TASOR: variants seen among roughly 807,000 people sequenced by gnomAD.
TASOR encodes the protein transcription activation suppressor.
TASOR carries 53 observed loss-of-function variants against 178.6 expected under a neutral mutation model. The ratio of observed to expected loss-of-function variants is 0.30; its 90% CI spans 0.24 to 0.37. The LOEUF (loss-of-function observed/expected upper bound fraction) is 0.37. Among genes scored for constraint, TASOR ranks in the 10% least tolerant of loss-of-function variants. TASOR has a pLI of 1.00. For synonymous variants in TASOR, 713 were observed against 696.2 expected, an observed-to-expected ratio of 1.02 and a Z score of -0.38; for missense variants, 1,815 against 1,971.4, an observed-to-expected ratio of 0.92 and a Z score of 1.50.
intron 7 of TASOR, 73 bp from the exon 8 acceptor site, chr3:56,663,645 A>G (rs563993763): frequency 6.6e-5 from 80 of 1,218,422 alleles, no homozygotes; most frequent in East Asian, 2.0e-4. Context: ...GTAAGATGAT[A>G]TAAGTGCAAT....
Position 56,673,739 on chromosome 3 carries a change from AC to A in TASOR, c.332-15del. On this transcript the variant is annotated splice_polypyrimidine_tract_variant and intron_variant, in intron 1 of 23. Coordinates refer to ENST00000683822, the MANE Select transcript of TASOR (RefSeq NM_001365635.2). ...GCTGGAAAAGTGCTAAAATAAAAAAACAAACATTTAAAATGTTTAACATTAC... is the reference window on the plus strand; with the variant it reads ...GCTGGAAAAGTGCTAAAATAAAAAAAAAACATTTAAAATGTTTAACATTAC... 1 of 1,537,086 alleles carries A rather than the reference AC, an allele frequency of 6.5e-7. No individual in the cohort carries two copies. Among genetic ancestry groups the A allele is most frequent in the Non-Finnish European group, 8.8e-7 (1 of 1,142,126 alleles).
At chr3:56,626,704 T>C (rs865861850) in intron 21 of TASOR, among the ~76,000 whole-genome samples, 2 of 151,940 alleles carry the variant, frequency 1.3e-5, no homozygotes, top group African/African-American at 4.8e-5. Flanking sequence ...GATCGTCCCA[T>C]TGCACTCCAG....
chr3:56,678,309 G>C (rs2031496072), intron 1 of TASOR, among the ~76,000 whole-genome samples: 1 of 149,666 alleles, frequency 6.7e-6, no homozygotes, highest in Non-Finnish European at 1.5e-5. Flanking sequence ...AGCCTCCCGA[G>C]CAGCTGGGAT....
chr3:56,634,008 G>A (rs2076968413), intron 17 of TASOR, 42 bp from the exon 18 acceptor site: 2 of 1,432,430 alleles, frequency 1.4e-6, no homozygotes, highest in South Asian at 1.5e-5. Context: ...AATCCAAAAA[G>A]ATAAGATATG....
At chr3:56,644,947 TACC>T (rs1207550097) in intron 14 of TASOR, among the ~76,000 whole-genome samples, 1 of 152,208 alleles carries the variant, frequency 6.6e-6, no homozygotes, top group Non-Finnish European at 1.5e-5. Context: ...GGCTAGTGGC[TACC>T]ACATTGAATA....
intron 14 of TASOR, among the ~76,000 whole-genome samples, chr3:56,645,047 A>G (rs544293663): frequency 6.6e-6 from 1 of 152,220 alleles, no homozygotes; most frequent in South Asian, 2.1e-4. Flanking sequence ...GCCGAGGCAG[A>G]CAGATCACTT....
chr3:56,677,252 T>C (rs2031383902), intron 1 of TASOR, among the ~76,000 whole-genome samples: 1 of 152,232 alleles, frequency 6.6e-6, no homozygotes, highest in African/African-American at 2.4e-5. Context: ...TTTGAGGTAG[T>C]AATAATAAAC....
At chr3:56,663,271 G>A (rs1301042893) in intron 8 of TASOR, among the ~76,000 whole-genome samples, 1 of 152,108 alleles carries the variant, frequency 6.6e-6, no homozygotes, top group Non-Finnish European at 1.5e-5. Flanking sequence ...CACCTCTGGT[G>A]AATTTAATAC....
At chr3:56,647,786 A>T (rs957463026) in intron 13 of TASOR, among the ~76,000 whole-genome samples, 4 of 152,234 alleles carry the variant, frequency 2.6e-5, no homozygotes, top group East Asian at 1.9e-4. Flanking sequence ...ATCTTGTCTT[A>T]TATCAGTGCC....
chr3:56,632,956 AT>A, intron 18 of TASOR, 87 bp downstream of exon 18: 4 of 1,093,886 alleles, frequency 3.7e-6, no homozygotes, highest in Non-Finnish European at 5.1e-6. Flanking sequence ...AACACAAAAC[AT>A]TTAAATACAA....
intron 12 of TASOR, 21 bp downstream of exon 12, chr3:56,648,964 T>C (rs2077293566): frequency 1.3e-6 from 2 of 1,598,972 alleles, no homozygotes; most frequent in African/African-American, 2.7e-5. Flanking sequence ...TGTAAAAATT[T>C]ATTAAAGAGA....
At chr3:56,638,900 G>T in intron 16 of TASOR, 135 bp from the exon 17 acceptor site, 1 of 796,830 alleles carries the variant, frequency 1.3e-6, no homozygotes, top group Non-Finnish European at 2.1e-6. Context: ...TCATACTGGT[G>T]ATGATGGAAT....
chr3:56,640,249 T>G, intron 15 of TASOR, 119 bp from the exon 16 acceptor site: 1 of 810,368 alleles, frequency 1.2e-6, no homozygotes, highest in Non-Finnish European at 2.0e-6. Flanking sequence ...ATGCGTAAAA[T>G]CAACATGGTA....
At chr3:56,639,902 G>C in intron 16 of TASOR, 84 bp downstream of exon 16, 1 of 1,264,300 alleles carries the variant, frequency 7.9e-7, no homozygotes, top group Non-Finnish European at 1.1e-6. Flanking sequence ...ACCCAAGAGT[G>C]AAATCCACAG....
chr3:56,650,831 C>T (rs2077337938), intron 11 of TASOR, among the ~76,000 whole-genome samples: 1 of 152,138 alleles, frequency 6.6e-6, no homozygotes, highest in Non-Finnish European at 1.5e-5. Context: ...TTAGAGTATA[C>T]TACAAGCGGA....
chr3:56,680,980 T>TA (rs1553732688), intron 1 of TASOR, among the ~76,000 whole-genome samples: 15 of 151,662 alleles, frequency 9.9e-5, no homozygotes, highest in East Asian at 1.9e-4. Flanking sequence ...TTATCTAATT[T>TA]TAAAAAAACA....
chr3:56,649,848 T>C (rs1284424994), intron 11 of TASOR, among the ~76,000 whole-genome samples: 1 of 152,194 alleles, frequency 6.6e-6, no homozygotes, highest in Non-Finnish European at 1.5e-5. Context: ...TGAGTTGTAA[T>C]GGACAGTTTA....
Position 56,624,413 on chromosome 3 carries a change from G to A in TASOR, c.4483+66C>T, listed in dbSNP as rs149363597. 2.3e-4 allele frequency: 352 copies of A among 1,528,366 alleles called. 4 individuals are homozygous for A. In the African/African-American group the frequency reaches 3.0e-3, roughly 13 times the overall value. 94.7% of individuals were successfully genotyped at this position (1,528,366 alleles called of 1,614,324 possible). On this transcript the variant is annotated intron_variant, in intron 23 of 23. Coordinates refer to ENST00000683822, the MANE Select transcript of TASOR (RefSeq NM_001365635.2). ...TTCAAAATGGTCATTTCATTATTTG[G>A]TAACAGCAAAACCATTCCTCTTTTT...
At chr3:56,651,876 A>T (rs11130537) in intron 11 of TASOR, among the ~76,000 whole-genome samples, 1 of 152,036 alleles carries the variant, frequency 6.6e-6, no homozygotes, top group East Asian at 1.9e-4. Flanking sequence ...AACATTTTCA[A>T]GCAAAAATGT....
Sources: allele counts gnomAD v4.1 joint callset (sites outside exome capture counted in the v4.1 genomes callset), GRCh38; gene constraint gnomAD v4.1.1; transcripts MANE v1.5; gene names NCBI Gene and HGNC (gene_info 2026-07-23, HGNC 2026-07-21).